CAMTA1: variants seen among roughly 807,000 people sequenced by gnomAD.
The protein encoded by CAMTA1 is calmodulin binding transcription activator 1.
Under a neutral mutation model 170.9 loss-of-function variants are expected in CAMTA1, and 27 were observed. That is an observed-to-expected ratio of 0.16 (90% CI 0.12 to 0.22). The LOEUF is 0.22. Among genes scored for constraint, CAMTA1 ranks in the 10% least tolerant of loss-of-function variants. The pLI, the probability that CAMTA1 is intolerant of heterozygous loss-of-function variation, is 1.00. For missense variants in CAMTA1, 1,619 were observed against 2,217.2 expected (o/e 0.73, Z 5.42); for synonymous variants, 833 against 891.5 (o/e 0.93, Z 1.17).
At chr1:7,239,999 T>A (rs1176101763) in intron 4 of CAMTA1, among the ~76,000 whole-genome samples, 1 of 152,168 alleles carries the variant, frequency 6.6e-6, no homozygotes, top group Non-Finnish European at 1.5e-5. Flanking sequence ...TCACCTCTTA[T>A]TAGGCCTGAC....
intron 4 of CAMTA1, among the ~76,000 whole-genome samples, chr1:7,227,845 C>T (rs1661997999): frequency 6.8e-6 from 1 of 146,334 alleles, no homozygotes; most frequent in Non-Finnish European, 1.5e-5. Flanking sequence ...CCTCCCCTCC[C>T]CAGGACTCCT....
chr1:7,425,272 C>T (rs1369878049), intron 5 of CAMTA1, among the ~76,000 whole-genome samples: 2 of 152,274 alleles, frequency 1.3e-5, no homozygotes, highest in African/African-American at 2.4e-5. Flanking sequence ...GAAGACAGAG[C>T]GAGGCTTGCA....
chr1:7,655,082 A>G (rs963897156), intron 7 of CAMTA1, among the ~76,000 whole-genome samples: 1 of 79,624 alleles, frequency 1.3e-5, no homozygotes, highest in East Asian at 2.8e-4. Flanking sequence ...ATACACACAC[A>G]CCCACCTATA....
chr1:7,061,741 G>A (rs1265764582), intron 3 of CAMTA1, among the ~76,000 whole-genome samples: 4 of 150,556 alleles, frequency 2.7e-5, no homozygotes, highest in African/African-American at 4.9e-5. Flanking sequence ...AGAAGGGGCA[G>A]TGCCAGGGTG....
At chr1:7,261,061 GATT>G (rs1457960676) in intron 5 of CAMTA1, among the ~76,000 whole-genome samples, 2 of 152,140 alleles carry the variant, frequency 1.3e-5, no homozygotes, top group Non-Finnish European at 2.9e-5. Context: ...AAAGAATATG[GATT>G]ATTATTAAAT....
intron 1 of CAMTA1, among the ~76,000 whole-genome samples, chr1:6,816,270 A>G (rs1391889046): frequency 6.6e-6 from 1 of 152,134 alleles, no homozygotes; most frequent in African/African-American, 2.4e-5. Context: ...ACTCCATTTC[A>G]TTTCCTTTAT....
At chr1:7,244,461 A>G (rs1471261540) in intron 4 of CAMTA1, among the ~76,000 whole-genome samples, 1 of 152,246 alleles carries the variant, frequency 6.6e-6, no homozygotes, top group African/African-American at 2.4e-5. Context: ...TTGCGGCACT[A>G]TTCACAATAG....
chr1:7,428,769 C>A (rs1379185039), intron 5 of CAMTA1, among the ~76,000 whole-genome samples: 2 of 151,944 alleles, frequency 1.3e-5, no homozygotes, highest in Non-Finnish European at 2.9e-5. Context: ...AGAGTGATTC[C>A]CTGAGTGCCA....
chr1:6,844,516 A>T (rs1657186211), intron 3 of CAMTA1, among the ~76,000 whole-genome samples: 1 of 151,038 alleles, frequency 6.6e-6, no homozygotes, highest in African/African-American at 2.4e-5. Flanking sequence ...TACAAAAAAA[A>T]AAAAAAAAAA....
intron 9 of CAMTA1, among the ~76,000 whole-genome samples, chr1:7,670,165 A>C (rs533515174): frequency 4.6e-5 from 7 of 152,178 alleles, no homozygotes; most frequent in Non-Finnish European, 8.8e-5. Flanking sequence ...GTGGGACCCC[A>C]GGCTAGCTGT....
rs529276908 is a variant in CAMTA1, at chr1:7,031,788, A to G, written c.235-59516A>G. Among the ~76,000 whole-genome samples, 5 of 152,014 alleles carry G rather than the reference A, an allele frequency of 3.3e-5. No homozygotes were observed. The South Asian group carries it at 1.0e-3, about 32-fold the overall frequency. On this transcript the variant is annotated intron_variant, in intron 3 of 22. Transcript: ENST00000303635. ...GATCTCCTGACCTTGTGATCTGCCC[A>G]CCTTGGCCTCCTGAAGTGCTGGGAT...
chr1:7,569,077 AT>A (rs2095089249), intron 6 of CAMTA1, among the ~76,000 whole-genome samples: 1 of 151,040 alleles, frequency 6.6e-6, no homozygotes, highest in African/African-American at 2.4e-5. Flanking sequence ...TACCACCACC[AT>A]CATCAACATC....
At chr1:6,803,364 C>CT (rs1644117738) in intron 1 of CAMTA1, among the ~76,000 whole-genome samples, 1 of 152,198 alleles carries the variant, frequency 6.6e-6, no homozygotes. Flanking sequence ...ATGTGGCTGC[C>CT]TGTGTGCACA....
At chr1:7,718,323 T>A (rs1364295323) in intron 11 of CAMTA1, among the ~76,000 whole-genome samples, 1 of 151,548 alleles carries the variant, frequency 6.6e-6, no homozygotes, top group Non-Finnish European at 1.5e-5. Flanking sequence ...CCCAAGGATT[T>A]CAAGTGGTGT....
intron 4 of CAMTA1, among the ~76,000 whole-genome samples, chr1:7,169,215 A>G (rs1649107180): frequency 6.6e-6 from 1 of 152,182 alleles, no homozygotes; most frequent in South Asian, 2.1e-4. Flanking sequence ...TTTTGCGTCT[A>G]TGTTCATGAT....
At chr1:7,282,624 T>C (rs1235352323) in intron 5 of CAMTA1, among the ~76,000 whole-genome samples, 1 of 152,182 alleles carries the variant, frequency 6.6e-6, no homozygotes, top group Non-Finnish European at 1.5e-5. Context: ...CTTCTGGATC[T>C]AAAGCTCTAG....
intron 5 of CAMTA1, among the ~76,000 whole-genome samples, chr1:7,253,697 C>T (rs1161129320): frequency 2.0e-5 from 3 of 152,182 alleles, no homozygotes; most frequent in Admixed American, 6.5e-5. Flanking sequence ...CTACGTCATA[C>T]CTCAGTCAGT....
At position 7,681,197 on chromosome 1, in the gene CAMTA1, G is replaced by A. The variant is rs997281882; in HGVS notation, c.2914+3464G>A. Among the ~76,000 whole-genome samples, 1 of 152,156 alleles carries A rather than the reference G, an allele frequency of 6.6e-6. No homozygotes were observed. On this transcript the variant is annotated intron_variant, in intron 11 of 22. Coordinates refer to ENST00000303635, the MANE Select transcript of CAMTA1 (RefSeq NM_015215.4). This position sits in a 1 kb window ranked among gnomAD's most constrained non-coding sequence, Gnocchi z 4.6. ...CCAGGGTCAAAGGCCCTGTCTGCTG[G>A]ACCCCCATCACTTAGCCCAGGGTTG...
intron 7 of CAMTA1, among the ~76,000 whole-genome samples, chr1:7,643,077 G>A (rs1262563857): frequency 1.3e-5 from 2 of 151,868 alleles, no homozygotes; most frequent in East Asian, 3.9e-4. Flanking sequence ...GCCTTGAAAG[G>A]GTGACCAGGG....
Sources: allele counts gnomAD v4.1 joint callset (sites outside exome capture counted in the v4.1 genomes callset), GRCh38; gene constraint gnomAD v4.1.1; non-coding constraint Gnocchi (gnomAD v3.1); transcripts MANE v1.5; gene names NCBI Gene and HGNC (gene_info 2026-07-23, HGNC 2026-07-21).